NRXN1: variants seen among roughly 807,000 people sequenced by gnomAD.
NRXN1 encodes neurexin-1.
Under a neutral mutation model 150.9 loss-of-function variants are expected in NRXN1, and 39 were observed. The observed-to-expected ratio is 0.26, with a 90% confidence interval of 0.20 to 0.34. The LOEUF (loss-of-function observed/expected upper bound fraction) is 0.34, where lower values mean the gene tolerates loss of function less well. NRXN1 is among the 10% of genes least tolerant of loss of function. NRXN1 has a pLI of 1.00. For synonymous variants in NRXN1, 924 were observed against 757.0 expected, an observed-to-expected ratio of 1.22 and a Z score of -3.62; for missense variants, 1,815 against 1,949.9, an observed-to-expected ratio of 0.93 and a Z score of 1.30.
intron 2 of NRXN1, among the ~76,000 whole-genome samples, chr2:50,958,012 G>A (rs1392986318): frequency 6.6e-6 from 1 of 152,030 alleles, no homozygotes; most frequent in East Asian, 1.9e-4. Context: ...GAAGTAAGTT[G>A]CAGCACATCT....
chr2:50,587,108 T>C (rs1211632188), intron 8 of NRXN1, among the ~76,000 whole-genome samples: 1 of 152,304 alleles, frequency 6.6e-6, no homozygotes, highest in Non-Finnish European at 1.5e-5. Context: ...TTTTGGTGTG[T>C]CTGGCTGTAA....
intron 5 of NRXN1, among the ~76,000 whole-genome samples, chr2:50,711,329 C>CTTTT (rs765521627): frequency 4.5e-5 from 4 of 89,868 alleles, no homozygotes; most frequent in Admixed American, 1.2e-4. Flanking sequence ...AGGTACTGGA[C>CTTTT]TTTTTTTTTT....
chr2:50,960,841 T>C (rs1693058200), intron 2 of NRXN1, among the ~76,000 whole-genome samples: 2 of 151,870 alleles, frequency 1.3e-5, no homozygotes, highest in African/African-American at 4.8e-5. Context: ...AAAACCAAAA[T>C]TGTGTATTTC....
intron 18 of NRXN1, among the ~76,000 whole-genome samples, chr2:50,193,349 G>T (rs992712472): frequency 6.6e-6 from 1 of 152,050 alleles, no homozygotes; most frequent in Admixed American, 6.6e-5. Context: ...CGAGTGTTCT[G>T]GTATTGTCCC....
At chr2:50,691,163 T>C (rs1460897191) in intron 5 of NRXN1, among the ~76,000 whole-genome samples, 1 of 152,216 alleles carries the variant, frequency 6.6e-6, no homozygotes, top group African/African-American at 2.4e-5. Flanking sequence ...AAGAGAGTTA[T>C]GCATCGTTGA....
At chr2:50,452,745 T>C (rs967096578) in intron 17 of NRXN1, among the ~76,000 whole-genome samples, 10 of 152,208 alleles carry the variant, frequency 6.6e-5, no homozygotes, top group Non-Finnish European at 1.5e-4. Context: ...AGTGGTTCTG[T>C]TGATTCAAGT....
At chr2:50,676,749 A>G (rs1475157442) in intron 5 of NRXN1, among the ~76,000 whole-genome samples, 2 of 152,170 alleles carry the variant, frequency 1.3e-5, no homozygotes, top group African/African-American at 4.8e-5. Context: ...GGAAAGGTCA[A>G]TTGGTCCTGA....
chr2:50,644,061 C>T (rs1684448739), intron 5 of NRXN1, among the ~76,000 whole-genome samples: 1 of 151,346 alleles, frequency 6.6e-6, no homozygotes. Flanking sequence ...GTACCCTTCC[C>T]TAAAGTGTTA....
intron 17 of NRXN1, among the ~76,000 whole-genome samples, chr2:50,319,891 C>A (rs779437435): frequency 6.6e-6 from 1 of 152,070 alleles, no homozygotes; most frequent in Non-Finnish European, 1.5e-5. Context: ...CTATTCTTGC[C>A]TCCTCCAGTT....
intron 18 of NRXN1, among the ~76,000 whole-genome samples, chr2:50,095,403 C>T (rs143177187): frequency 1.9e-3 from 288 of 152,172 alleles, no homozygotes; most frequent in African/African-American, 6.6e-3. Context: ...TTTAGGGTCT[C>T]GTCTATTATA....
chr2:50,656,840 G>A (rs1686545568), intron 5 of NRXN1, among the ~76,000 whole-genome samples: 1 of 151,838 alleles, frequency 6.6e-6, no homozygotes, highest in Admixed American at 6.6e-5. Context: ...TGCTATCATT[G>A]AAATTAATTC....
At chr2:50,949,957 A>G (rs1044156070) in intron 2 of NRXN1, among the ~76,000 whole-genome samples, 2 of 152,134 alleles carry the variant, frequency 1.3e-5, no homozygotes, top group African/African-American at 4.8e-5. Flanking sequence ...AGTTTGTACC[A>G]TCCCCTGGGT....
intron 20 of NRXN1, among the ~76,000 whole-genome samples, chr2:50,054,112 T>G (rs1693221996): frequency 6.6e-6 from 1 of 152,212 alleles, no homozygotes; most frequent in Non-Finnish European, 1.5e-5. Flanking sequence ...TCATTGTTAT[T>G]TGAATTATTC....
chr2:50,749,972 C>T (rs570922165), intron 5 of NRXN1, among the ~76,000 whole-genome samples: 6 of 152,060 alleles, frequency 3.9e-5, no homozygotes, highest in Admixed American at 1.3e-4. Flanking sequence ...ACTTCAGATT[C>T]GTGGTTTTAA....
chr2:50,276,177 G>A (rs929488107), intron 17 of NRXN1, among the ~76,000 whole-genome samples: 1 of 152,030 alleles, frequency 6.6e-6, no homozygotes, highest in Non-Finnish European at 1.5e-5. Context: ...TTGATTCTAA[G>A]GGGGAGGTTT....
chr2:50,793,649 T>C (rs1484991526), intron 5 of NRXN1, among the ~76,000 whole-genome samples: 1 of 152,032 alleles, frequency 6.6e-6, no homozygotes, highest in Non-Finnish European at 1.5e-5. Flanking sequence ...TGTTTCTTCC[T>C]CACATTAGCC....
At chr2:50,730,894 G>C (rs1484364022) in intron 5 of NRXN1, among the ~76,000 whole-genome samples, 1 of 151,856 alleles carries the variant, frequency 6.6e-6, no homozygotes, top group African/African-American at 2.4e-5. Flanking sequence ...AGGATGGTCT[G>C]GATCTCCTGA....
chr2:50,551,645 A>G (rs1294398600), intron 9 of NRXN1, among the ~76,000 whole-genome samples: 4 of 152,302 alleles, frequency 2.6e-5, no homozygotes, highest in Non-Finnish European at 5.9e-5. Flanking sequence ...TTCTATTATA[A>G]GATCATTTGA....
intron 5 of NRXN1, among the ~76,000 whole-genome samples, chr2:50,670,169 T>C (rs959010342): frequency 1.3e-5 from 2 of 151,882 alleles, no homozygotes; most frequent in Admixed American, 6.6e-5. Flanking sequence ...ACAGGTCTTT[T>C]CTCACTCTGC....
Sources: gnomAD v4.1 joint callset for allele counts (sites outside exome capture counted in the v4.1 genomes callset) on GRCh38, gnomAD v4.1.1 for gene constraint, MANE v1.5 for transcripts, NCBI Gene and HGNC (gene_info 2026-07-23, HGNC 2026-07-21) for gene names.